The following DPYSL3 variants were observed in gnomAD, a reference collection of about 807,000 sequenced individuals.
DPYSL3 encodes dihydropyrimidinase-related protein 3.
In DPYSL3, 16 loss-of-function variants were observed where a neutral mutation model predicts 66.1. The observed-to-expected ratio is 0.24, with a 90% CI of 0.16 to 0.37. The LOEUF is 0.37. DPYSL3 is among the 10% of genes least tolerant of loss of function. DPYSL3 has a pLI of 1.00. For synonymous variants in DPYSL3, 338 were observed against 345.1 expected (o/e 0.98, Z 0.23); for missense variants, 738 against 916.2 (o/e 0.81, Z 2.51).
chr5:147,483,847 G>C (rs921495926), intron 1 of DPYSL3, among the ~76,000 whole-genome samples: 2 of 152,150 alleles, frequency 1.3e-5, no homozygotes, highest in Admixed American at 1.3e-4. Context: ...AGAATAACTC[G>C]ATTATCTCAT....
At chr5:147,504,295 C>T (rs949538865) in intron 1 of DPYSL3, among the ~76,000 whole-genome samples, 32 of 152,328 alleles carry the variant, frequency 2.1e-4, no homozygotes, top group African/African-American at 6.3e-4. Context: ...CTCTGCCAAT[C>T]GCAGCATTAT....
At chr5:147,468,822 CCA>C (rs1753045005) in intron 1 of DPYSL3, among the ~76,000 whole-genome samples, 1 of 151,880 alleles carries the variant, frequency 6.6e-6, no homozygotes, top group Admixed American at 6.6e-5. Flanking sequence ...TGTGCTGCAC[CCA>C]TTACCTAATG....
At chr5:147,440,343 A>C (rs1752509727) in intron 1 of DPYSL3, among the ~76,000 whole-genome samples, 1 of 152,164 alleles carries the variant, frequency 6.6e-6, no homozygotes, top group Admixed American at 6.5e-5. Context: ...GTTTACCAGC[A>C]GCTCAGGTTA....
At chr5:147,400,893 TTA>T in intron 9 of DPYSL3, 60 bp from the exon 10 acceptor site, 1 of 1,581,298 alleles carries the variant, frequency 6.3e-7, no homozygotes, top group Non-Finnish European at 8.6e-7. Flanking sequence ...CACTGGGAGC[TTA>T]GAGTCTTGTG....
chr5:147,498,617 TA>T (rs1490773138), intron 1 of DPYSL3, among the ~76,000 whole-genome samples: 2 of 152,216 alleles, frequency 1.3e-5, no homozygotes, highest in Non-Finnish European at 2.9e-5. Context: ...TTTGACTTTT[TA>T]AAAATAGTCA....
At chr5:147,419,151 T>G (rs958050227) in intron 2 of DPYSL3, among the ~76,000 whole-genome samples, 1 of 152,110 alleles carries the variant, frequency 6.6e-6, no homozygotes, top group African/African-American at 2.4e-5. Context: ...ATTTCCCACC[T>G]AAGTCTTCAC....
At chr5:147,443,337 G>A (rs1301521852) in intron 1 of DPYSL3, among the ~76,000 whole-genome samples, 5 of 152,160 alleles carry the variant, frequency 3.3e-5, no homozygotes, top group Admixed American at 3.3e-4. Flanking sequence ...GCAGGGACAT[G>A]GATGAAGCTA....
At chr5:147,404,805 A>G (rs1416062293) in intron 8 of DPYSL3, among the ~76,000 whole-genome samples, 2 of 152,206 alleles carry the variant, frequency 1.3e-5, no homozygotes, top group African/African-American at 2.4e-5. Context: ...CATGGTGGCC[A>G]ATATGCTTTG....
Position 147,401,549 on chromosome 5 carries a change from A to C in DPYSL3, c.1301T>G (p.Leu434Trp), listed in dbSNP as rs1370077188. ...GCATTCCTGCACCAACCTGGCCAGCAAGGAGTTGATGTAGTCCGGAGTAGT... is the reference window on the plus strand; with the variant it reads ...GCATTCCTGCACCAACCTGGCCAGCCAGGAGTTGATGTAGTCCGGAGTAGT... ...DPTTPDYINS[L>W]LASGDLQLSG... Residue 434 changes from leucine (L) to tryptophan (W), a missense_variant, in exon 9 of 14, where the codon TTG (leucine) becomes TGG (tryptophan). Leu to Trp is a moderately conservative substitution (Grantham distance 61, BLOSUM62 -2). Coordinates refer to ENST00000343218, the MANE Select transcript of DPYSL3 (RefSeq NM_001197294.2). 1.2e-6 allele frequency: 2 copies of C among 1,612,240 alleles called. No individual in the cohort carries two copies. Among genetic ancestry groups the C allele is most frequent in the Non-Finnish European group, 1.7e-6 (2 of 1,179,246 alleles).
chr5:147,412,873 C>G (rs2152020841), intron 5 of DPYSL3, among the ~76,000 whole-genome samples, 185 bp from the exon 6 acceptor site: 1 of 152,294 alleles, frequency 6.6e-6, no homozygotes, highest in Non-Finnish European at 1.5e-5. Flanking sequence ...TCCCAGGAAA[C>G]TCTGACTATA....
chr5:147,462,264 T>C (rs1415997278), intron 1 of DPYSL3, among the ~76,000 whole-genome samples: 2 of 152,160 alleles, frequency 1.3e-5, no homozygotes, highest in Non-Finnish European at 2.9e-5. Flanking sequence ...ACAGAAAAAC[T>C]GTACACATGA....
intron 2 of DPYSL3, 92 bp from the exon 3 acceptor site, chr5:147,418,723 A>G (rs555476856): frequency 3.4e-6 from 4 of 1,159,650 alleles, no homozygotes; most frequent in Non-Finnish European, 4.8e-6. Context: ...AGGATTTTAA[A>G]CAGTGTTACT....
At chr5:147,484,143 G>A (rs1273781312) in intron 1 of DPYSL3, among the ~76,000 whole-genome samples, 1 of 152,180 alleles carries the variant, frequency 6.6e-6, no homozygotes, top group South Asian at 2.1e-4. Flanking sequence ...CACTGGCCTT[G>A]GAAGGGAGCC....
chr5:147,501,237 C>A (rs1396701191), intron 1 of DPYSL3, among the ~76,000 whole-genome samples: 3 of 152,096 alleles, frequency 2.0e-5, no homozygotes, highest in Non-Finnish European at 4.4e-5. Flanking sequence ...GTGATTCCCA[C>A]TATATGACAC....
chr5:147,489,154 G>T (rs1405109645), intron 1 of DPYSL3, among the ~76,000 whole-genome samples: 1 of 152,158 alleles, frequency 6.6e-6, no homozygotes, highest in African/African-American at 2.4e-5. Context: ...CCTAGCTTCT[G>T]ATGTTTTCTG....
At chr5:147,413,735 C>G (rs1751902197) in intron 4 of DPYSL3, 78 bp from the exon 5 acceptor site, 1 of 1,169,232 alleles carries the variant, frequency 8.6e-7, no homozygotes, top group Admixed American at 1.9e-5. Flanking sequence ...GCTCCCACTT[C>G]CATCGACCAT....
chr5:147,439,172 A>C (rs1465045054), intron 1 of DPYSL3, among the ~76,000 whole-genome samples: 1 of 152,246 alleles, frequency 6.6e-6, no homozygotes, highest in Non-Finnish European at 1.5e-5. Context: ...AAATAAAATA[A>C]GGCACTGCAG....
Position 147,464,079 on chromosome 5 carries a change from A to G in DPYSL3, c.382-39116T>C, listed in dbSNP as rs541821602. Among the ~76,000 whole-genome samples, 69 of 152,314 alleles carry G rather than the reference A, an allele frequency of 4.5e-4. 1 individual carries two copies. The South Asian group carries it at 0.01, about 22-fold the overall frequency. On this transcript the variant is annotated intron_variant, in intron 1 of 13. Transcript: ENST00000343218. ...ACATGACCACAGGATCCACAGTTAT[A>G]TCAAATACCATTTTAACCAGAAGCT... is the stretch of plus-strand genomic sequence containing the variant.
intron 11 of DPYSL3, 45 bp downstream of exon 11, chr5:147,399,037 C>T (rs1387243771): frequency 1.3e-6 from 2 of 1,596,998 alleles, no homozygotes; most frequent in Admixed American, 1.7e-5. Flanking sequence ...AAGTTCCTTG[C>T]ATGCATTCTC....
Sources: allele counts gnomAD v4.1 joint callset (sites outside exome capture counted in the v4.1 genomes callset), GRCh38; gene constraint gnomAD v4.1.1; transcripts MANE v1.5; gene names NCBI Gene and HGNC (gene_info 2026-07-23, HGNC 2026-07-21).